The following GFRAL variants were observed in gnomAD, a reference collection of about 807,000 sequenced individuals.
The protein encoded by GFRAL is GDNF family receptor alpha-like.
GFRAL carries 36 observed loss-of-function variants against 45.4 expected under a neutral mutation model. The observed-to-expected ratio is 0.79, with a 90% CI of 0.61 to 1.05. The LOEUF (loss-of-function observed/expected upper bound fraction) is 1.05, where lower values mean the gene tolerates loss of function less well. Among genes scored for constraint, GFRAL ranks in the 50% least tolerant of loss-of-function variants. GFRAL has a pLI of 0.00. For synonymous variants in GFRAL, 166 were observed against 154.1 expected, an observed-to-expected ratio of 1.08 and a Z score of -0.57; for missense variants, 507 against 467.5, an observed-to-expected ratio of 1.08 and a Z score of -0.78.
chr6:55,401,761 T>C (rs2127368457), intron 8 of GFRAL, 29 bp from the exon 9 acceptor site: 1 of 1,240,412 alleles, frequency 8.1e-7, no homozygotes, highest in Non-Finnish European at 1.2e-6. Context: ...AAATGGCATG[T>C]TGTTAACTTT....
At chr6:55,328,029 C>T (rs1270655296) in intron 1 of GFRAL, among the ~76,000 whole-genome samples, 2 of 151,808 alleles carry the variant, frequency 1.3e-5, no homozygotes, top group Non-Finnish European at 2.9e-5. Context: ...ATTCAATTTA[C>T]CTACAGTGTT....
At chr6:55,367,870 T>G (rs1313098398) in intron 6 of GFRAL, among the ~76,000 whole-genome samples, 1 of 151,780 alleles carries the variant, frequency 6.6e-6, no homozygotes, top group African/African-American at 2.4e-5. Context: ...TGGCTGCCCT[T>G]AACATTTTTT....
intron 6 of GFRAL, among the ~76,000 whole-genome samples, chr6:55,384,103 C>G (rs143727643): frequency 0.015 from 2,317 of 152,026 alleles, 34 homozygotes; most frequent in Non-Finnish European, 0.025. Flanking sequence ...AGGGGAACAT[C>G]ACACACTGGG....
intron 6 of GFRAL, among the ~76,000 whole-genome samples, chr6:55,367,537 C>T (rs376427459): frequency 0.071 from 10,642 of 149,708 alleles, 528 homozygotes; most frequent in African/African-American, 0.13. Flanking sequence ...TTCCTAGTCT[C>T]GATGGTCTTT....
At chr6:55,385,445 TTCATTTTATG>T (rs1283295397) in intron 6 of GFRAL, among the ~76,000 whole-genome samples, 1 of 152,144 alleles carries the variant, frequency 6.6e-6, no homozygotes, top group East Asian at 1.9e-4. Flanking sequence ...CATTGTTCTA[TTCATTTTATG>T]TGGCTTAACT....
At chr6:55,392,771 G>T (rs983754448) in intron 6 of GFRAL, among the ~76,000 whole-genome samples, 2 of 151,962 alleles carry the variant, frequency 1.3e-5, no homozygotes, top group African/African-American at 4.8e-5. Context: ...ATAACTAATG[G>T]ATACTAGGTT....
chr6:55,394,269 A>T (rs937861133), intron 6 of GFRAL, among the ~76,000 whole-genome samples: 3 of 152,160 alleles, frequency 2.0e-5, no homozygotes, highest in African/African-American at 7.2e-5. Flanking sequence ...GCTTGAAATG[A>T]ATCTGTAGTT....
chr6:55,397,356 A>C (rs1300968543), intron 6 of GFRAL, among the ~76,000 whole-genome samples: 1 of 146,348 alleles, frequency 6.8e-6, no homozygotes, highest in Non-Finnish European at 1.5e-5. Flanking sequence ...GTCTCTACTA[A>C]AAATACAAAA....
chr6:55,338,721 G>A (rs1462100152), intron 3 of GFRAL, among the ~76,000 whole-genome samples: 1 of 152,148 alleles, frequency 6.6e-6, no homozygotes, highest in African/African-American at 2.4e-5. Flanking sequence ...AATTTAAGCA[G>A]AAGAAACAGA....
rs184893665 is a variant in GFRAL at position 55,354,205 on chromosome 6, G to A, written c.701+2622G>A. Among the ~76,000 whole-genome samples the A allele has an allele frequency of 2.4e-3, 370 of 152,052 alleles. 1 individual carries two copies. The highest frequency in any genetic ancestry group is 8.4e-3 in the African/African-American group (348 of 41,508). ...TGGTGGCTCTGCTGCTATAGTCCTT[G>A]AGAATTCCTGTGATAGACTCTGAAG... On this transcript the variant is annotated intron_variant, in intron 5 of 8. Transcript: ENST00000340465.
rs181890847 is a variant in GFRAL at position 55,331,502 on chromosome 6, G to A, written c.23-213G>A. ...TTGAGGAATAAATAGATGATGAGAC[G>A]TCAAAATGAGCAAATTTAAAATATT... is the stretch of plus-strand genomic sequence containing the variant. On this transcript the variant is annotated intron_variant, in intron 1 of 8. Coordinates refer to ENST00000340465, the MANE Select transcript of GFRAL (RefSeq NM_207410.2). Among the ~76,000 whole-genome samples, 247 of 151,898 alleles carry A rather than the reference G, an allele frequency of 1.6e-3. 1 individual carries two copies. The highest frequency in any genetic ancestry group is 5.8e-3 in the African/African-American group (242 of 41,456).
chr6:55,375,825 T>C, intron 6 of GFRAL, among the ~76,000 whole-genome samples: 1 of 152,150 alleles, frequency 6.6e-6, no homozygotes, highest in East Asian at 1.9e-4. Flanking sequence ...TGACTTCCTC[T>C]TTTCCTATCT....
chr6:55,353,397 C>T (rs1768145866), intron 5 of GFRAL, among the ~76,000 whole-genome samples: 1 of 152,052 alleles, frequency 6.6e-6, no homozygotes, highest in Non-Finnish European at 1.5e-5. Context: ...TTAAAAAGAA[C>T]TGCTTCCCTA....
Position 55,345,567 on chromosome 6 carries a change from G to T in GFRAL, c.317-4525G>T, listed in dbSNP as rs185435892. Reference sequence around the variant, plus strand: ...CTCAAGATGGATTAAAGACTTACATGTTAGACCTACAACCATAAAAACCCT... The same window carrying T: ...CTCAAGATGGATTAAAGACTTACATTTTAGACCTACAACCATAAAAACCCT... On this transcript the variant is annotated intron_variant, in intron 3 of 8. Coordinates refer to ENST00000340465, the MANE Select transcript of GFRAL (RefSeq NM_207410.2). Among the ~76,000 whole-genome samples the T allele has an allele frequency of 3.3e-3, 508 of 152,258 alleles. 3 individuals carry two copies. The highest frequency in any genetic ancestry group is 0.012 in the African/African-American group (481 of 41,548).
intron 8 of GFRAL, among the ~76,000 whole-genome samples, chr6:55,401,142 A>G (rs1561870231): frequency 6.6e-6 from 1 of 152,166 alleles, no homozygotes; most frequent in Non-Finnish European, 1.5e-5. Context: ...AATGTTTTGA[A>G]TTTATTCTAA....
chr6:55,362,637 A>C (rs1768291906), intron 6 of GFRAL, among the ~76,000 whole-genome samples: 1 of 152,002 alleles, frequency 6.6e-6, no homozygotes. Context: ...GACCATCAAC[A>C]CGGGAAGGAT....
rs568411441 is a variant in GFRAL at position 55,344,499 on chromosome 6, G to T, written c.317-5593G>T. Among the ~76,000 whole-genome samples the T allele has an allele frequency of 1.4e-4, 21 of 152,276 alleles. No homozygotes were observed. The South Asian group carries it at 4.1e-3, about 30-fold the overall frequency. ...TTGACAAGATTAAACAACGCTTCAT[G>T]CTAAAAACTCTCAATAAATTAGGTA... On this transcript the variant is annotated intron_variant, in intron 3 of 8. Transcript: ENST00000340465.
rs1309755758 is a variant in GFRAL, at chr6:55,351,444, T to C, written c.562T>C (p.Phe188Leu). Reference protein sequence around the residue: ...IPFNIAQMLAFCDCAQSDIPC... With the variant: ...IPFNIAQMLALCDCAQSDIPC... The stretch of plus-strand genomic sequence containing the variant: ...TTTTAACATTGCCCAGATGTTGGCT[T>C]TTTGTGACTGTGCTCAATCTGATAT... Residue 188 changes from phenylalanine (F) to leucine (L), a missense_variant, in exon 5 of 9, where the codon TTT (phenylalanine) becomes CTT (leucine). Physicochemically the swap from Phe to Leu is conservative, Grantham distance 22. Transcript: ENST00000340465. The C allele has an allele frequency of 6.2e-7, 1 of 1,613,704 alleles. No individual in the cohort carries two copies. The highest frequency in any genetic ancestry group is 2.2e-5 in the East Asian group (1 of 44,852).
rs200268366 is a variant in GFRAL at position 55,351,534 on chromosome 6, C to G, written c.652C>G (p.Pro218Ala). 4.3e-4 allele frequency: 691 copies of G among 1,607,916 alleles called. 1 individual carries two copies. The highest frequency in any genetic ancestry group is 2.7e-3 in the Admixed American group (161 of 59,776). Residue 218 changes from proline to alanine, a missense_variant, in exon 5 of 9, where the codon CCT becomes GCT. By Grantham distance (27) the Pro-to-Ala change is conservative. Transcript: ENST00000340465. ...ATGTGCAGTGAACATGGTTCCACCC[C>G]CTACTTGCCTCAGTGTAATTCGCAG... ...KTCAVNMVPP[P>A]TCLSVIRSCQ...
Sources: gnomAD v4.1 joint callset for allele counts (sites outside exome capture counted in the v4.1 genomes callset) on GRCh38, gnomAD v4.1.1 for gene constraint, MANE v1.5 for transcripts, NCBI Gene and HGNC (gene_info 2026-07-23, HGNC 2026-07-21) for gene names.